KCNIP3: variants seen among roughly 807,000 people sequenced by gnomAD.
KCNIP3 encodes the protein calsenilin.
KCNIP3 carries 28 observed loss-of-function variants against 35.0 expected under a neutral mutation model. The observed-to-expected ratio is 0.80, with a 90% CI of 0.59 to 1.10. KCNIP3 has a LOEUF of 1.10. KCNIP3 is among the 50% of genes least tolerant of loss of function. The pLI, the probability that KCNIP3 is intolerant of heterozygous loss-of-function variation, is 0.00. For synonymous variants in KCNIP3, 134 were observed against 133.8 expected (o/e 1.00, Z -0.01); for missense variants, 295 against 338.4 (o/e 0.87, Z 1.01).
At chr2:95,347,155 C>T (rs375267130) in intron 2 of KCNIP3, 66 of 1,556,452 alleles carry the variant, frequency 4.2e-5, no homozygotes, top group Non-Finnish European at 3.0e-5. Flanking sequence ...TTCGCCGCCT[C>T]CGCCGCAGAC....
chr2:95,330,093 G>A (rs965109966), intron 2 of KCNIP3, among the ~76,000 whole-genome samples: 1 of 152,244 alleles, frequency 6.6e-6, no homozygotes, highest in Admixed American at 6.5e-5. Flanking sequence ...CAGCAGAAGT[G>A]AGCTGGGAGT....
chr2:95,297,495 GGGGGGA>G, intron 1 of KCNIP3, 42 bp downstream of exon 1: 1 of 1,144,186 alleles, frequency 8.7e-7, no homozygotes, highest in Non-Finnish European at 1.3e-6. Flanking sequence ...GAGGGGGGTC[GGGGGGA>G]GGAATGGAGG....
At chr2:95,306,203 G>A (rs946069665) in intron 1 of KCNIP3, among the ~76,000 whole-genome samples, 2 of 152,244 alleles carry the variant, frequency 1.3e-5, no homozygotes, top group African/African-American at 4.8e-5. Context: ...ACATGGTGGT[G>A]TCTCACAGCG....
At chr2:95,304,982 C>G (rs932879555) in intron 1 of KCNIP3, among the ~76,000 whole-genome samples, 1 of 152,174 alleles carries the variant, frequency 6.6e-6, no homozygotes, top group Non-Finnish European at 1.5e-5. Context: ...GAGAAGGCTG[C>G]AGGTCCCCAG....
intron 2 of KCNIP3, among the ~76,000 whole-genome samples, chr2:95,323,557 CA>C (rs1284243777): frequency 2.0e-5 from 3 of 152,024 alleles, no homozygotes; most frequent in Admixed American, 6.5e-5. Context: ...CCTCTTCCAC[CA>C]GGGGGTAGCA....
At chr2:95,358,922 C>T (rs1264786184) in intron 2 of KCNIP3, among the ~76,000 whole-genome samples, 1 of 152,166 alleles carries the variant, frequency 6.6e-6, no homozygotes, top group Non-Finnish European at 1.5e-5. Flanking sequence ...CACTTGAGAT[C>T]AGGAGTTGGA....
chr2:95,333,016 G>A (rs1309571247), intron 2 of KCNIP3, among the ~76,000 whole-genome samples: 1 of 69,158 alleles, frequency 1.4e-5, no homozygotes, highest in Admixed American at 1.9e-4. Context: ...TGTCTCGCGT[G>A]AGTTCTGTGA....
intron 2 of KCNIP3, chr2:95,346,606 C>CCGCCGCCG (rs1190006845): frequency 2.7e-5 from 4 of 146,292 alleles, no homozygotes; most frequent in African/African-American, 9.8e-5. Flanking sequence ...CGCCGCGCCG[C>CCGCCGCCG]CGCCGCCGCG....
chr2:95,298,334 T>TC (rs760904692), intron 1 of KCNIP3, among the ~76,000 whole-genome samples: 39 of 152,164 alleles, frequency 2.6e-4, no homozygotes, highest in Non-Finnish European at 1.2e-4. Context: ...GAGGGCTGGC[T>TC]TGGAGGCCGC....
intron 1 of KCNIP3, among the ~76,000 whole-genome samples, chr2:95,300,425 TG>T (rs1449481776): frequency 7.0e-6 from 1 of 143,254 alleles, no homozygotes; most frequent in Non-Finnish European, 1.5e-5. Context: ...AGCCCACCCC[TG>T]GGCATCCCAG....
In KCNIP3 at chr2:95,317,398, C is replaced by T. The variant is rs559391339; in HGVS notation, c.181+6878C>T. 1.0e-3 allele frequency among the ~76,000 whole-genome samples: 152 copies of T among 152,298 alleles called. 1 individual carries two copies. Among genetic ancestry groups the T allele is most frequent in the Non-Finnish European group, 1.7e-3 (118 of 68,020 alleles). On this transcript the variant is annotated intron_variant, in intron 2 of 8. Coordinates refer to ENST00000295225, the MANE Select transcript of KCNIP3 (RefSeq NM_013434.5). Reference sequence around the variant, plus strand: ...CTTCTGCCTCCAGGAACAGTGAGCTCCGGGGGCCTGGAGGCTGAGGCCAGG... The same window carrying T: ...CTTCTGCCTCCAGGAACAGTGAGCTTCGGGGGCCTGGAGGCTGAGGCCAGG...
chr2:95,358,241 T>G (rs1271188174), intron 2 of KCNIP3, among the ~76,000 whole-genome samples: 4 of 152,176 alleles, frequency 2.6e-5, no homozygotes. Flanking sequence ...TTTCACAGGC[T>G]TCACCCATGG....
intron 2 of KCNIP3, among the ~76,000 whole-genome samples, chr2:95,337,050 C>A (rs377060897): frequency 5.9e-5 from 9 of 152,186 alleles, no homozygotes; most frequent in African/African-American, 9.7e-5. Flanking sequence ...TTGGGGGCTA[C>A]TTTTTCTCTG....
At chr2:95,300,662 A>T (rs1412089498) in intron 1 of KCNIP3, among the ~76,000 whole-genome samples, 4 of 152,246 alleles carry the variant, frequency 2.6e-5, no homozygotes, top group African/African-American at 9.6e-5. Flanking sequence ...GCCTTTGAGC[A>T]GGTGCGTCTG....
rs561389968 is a variant in KCNIP3, at chr2:95,297,352, T to C, written c.-87T>C. The C allele has an allele frequency of 2.2e-6, 3 of 1,359,940 alleles. No individual in the cohort carries two copies. Among genetic ancestry groups the C allele is most frequent in the East Asian group, 2.5e-5 (1 of 39,420 alleles). 84.2% of individuals were successfully genotyped at this position (1,359,940 alleles called of 1,614,324 possible). On this transcript the variant is annotated 5_prime_UTR_variant, in exon 1 of 9. It removes an upstream start codon present in the reference 5' UTR. Coordinates refer to ENST00000295225, the MANE Select transcript of KCNIP3 (RefSeq NM_013434.5). ...AATTACGTCTGGGTCCAAGCAAACA[T>C]GAGGCAGCTGCCAGCCGGCCTGGGC...
intron 5 of KCNIP3, among the ~76,000 whole-genome samples, chr2:95,379,049 C>G (rs2104305251): frequency 6.6e-6 from 1 of 152,158 alleles, no homozygotes; most frequent in African/African-American, 2.4e-5. Flanking sequence ...CCCCCAGAAG[C>G]TTGCTTCCAC....
At chr2:95,350,681 CGAGT>C (rs1175446240) in intron 2 of KCNIP3, among the ~76,000 whole-genome samples, 1 of 151,998 alleles carries the variant, frequency 6.6e-6, no homozygotes, top group African/African-American at 2.4e-5. Flanking sequence ...TGGGTGGAGC[CGAGT>C]GAGTGAGGAG....
intron 5 of KCNIP3, 93 bp from the exon 6 acceptor site, chr2:95,381,503 G>C (rs1487174232): frequency 2.3e-6 from 2 of 860,546 alleles, no homozygotes; most frequent in African/African-American, 3.3e-5. Context: ...GTGCCTGTTG[G>C]AGGCGTGAAT....
At chr2:95,340,812 G>T (rs910126096) in intron 2 of KCNIP3, among the ~76,000 whole-genome samples, 5 of 152,192 alleles carry the variant, frequency 3.3e-5, no homozygotes, top group Admixed American at 1.3e-4. Context: ...GTAGTTAGAT[G>T]CAAGAGCCCA....
Sources: gnomAD v4.1 joint callset for allele counts (sites outside exome capture counted in the v4.1 genomes callset) on GRCh38, gnomAD v4.1.1 for gene constraint, MANE v1.5 for transcripts, NCBI Gene and HGNC (gene_info 2026-07-23, HGNC 2026-07-21) for gene names.